Variants in PIK3C2G observed in about 807,000 individuals in gnomAD.
PIK3C2G encodes the protein phosphatidylinositol 3-kinase C2 domain-containing subunit gamma.
A neutral mutation model predicts 181.1 loss-of-function variants in PIK3C2G; 168 were observed. That is an observed-to-expected ratio of 0.93 (90% CI 0.82 to 1.05). PIK3C2G has a LOEUF of 1.05. Among genes scored for constraint, PIK3C2G ranks in the 50% least tolerant of loss-of-function variants. The pLI, the probability that PIK3C2G is intolerant of heterozygous loss-of-function variation, is 0.00. For synonymous variants in PIK3C2G, 573 were observed against 592.2 expected (o/e 0.97, Z 0.47); for missense variants, 1,869 against 1,732.8 (o/e 1.08, Z -1.40).
chr12:18,699,967 G>GT, the PIK3C2G span: 1 of 1,600,184 alleles, frequency 6.2e-7, no homozygotes. Flanking sequence ...ATAAAATGCA[G>GT]TAATTTTACA....
chr12:18,542,747 T>C (rs202234289), intron 25 of PIK3C2G, among the ~76,000 whole-genome samples: 5 of 152,010 alleles, frequency 3.3e-5, no homozygotes, highest in Non-Finnish European at 7.4e-5. Context: ...TCTCATTTTT[T>C]TGTAAGGCTT....
At chr12:18,627,021 T>G (rs965419423) in intron 31 of PIK3C2G, among the ~76,000 whole-genome samples, 1 of 151,928 alleles carries the variant, frequency 6.6e-6, no homozygotes, top group Non-Finnish European at 1.5e-5. Context: ...ATGGCTTGGG[T>G]CTCTTGATGG....
At chr12:18,255,306 T>C (rs2030573353) in intron 1 of PIK3C2G, among the ~76,000 whole-genome samples, 1 of 152,082 alleles carries the variant, frequency 6.6e-6, no homozygotes, top group Non-Finnish European at 1.5e-5. Context: ...TTTGAGTCTA[T>C]TCTGATTCTA....
At chr12:18,339,511 T>C (rs1268529200) in intron 9 of PIK3C2G, among the ~76,000 whole-genome samples, 7 of 152,080 alleles carry the variant, frequency 4.6e-5, no homozygotes, top group Non-Finnish European at 1.0e-4. Context: ...TGTGAAACTT[T>C]CTAAGATAGA....
chr12:18,636,842 C>G (rs545315990), intron 31 of PIK3C2G, among the ~76,000 whole-genome samples: 1 of 152,238 alleles, frequency 6.6e-6, no homozygotes, highest in East Asian at 1.9e-4. Flanking sequence ...TTATTATTTT[C>G]CTAGATAGAG....
rs549749100 is a variant in PIK3C2G, at chr12:18,425,171, T to C, written c.2504+1132T>C. On this transcript the variant is annotated intron_variant, in intron 18 of 32. Coordinates refer to ENST00000538779, the MANE Select transcript of PIK3C2G (RefSeq NM_001288772.2). ...GCAAGCCTTCTGCTGATGGAAGCAT[T>C]GGGATGATTCTAGTCTGCTAAATAG... 3.0e-4 allele frequency: 53 copies of C among 178,258 alleles called. 1 individual carries two copies. The highest frequency in any genetic ancestry group is 9.9e-5 in the Non-Finnish European group (8 of 81,036). 11.0% of individuals were successfully genotyped at this position (178,258 alleles called of 1,614,324 possible). A position where few individuals can be genotyped will look rare whatever the true frequency, so the allele number is the denominator to read the frequency against.
intron 11 of PIK3C2G, among the ~76,000 whole-genome samples, chr12:18,357,502 A>G (rs1442678557): frequency 1.3e-5 from 2 of 152,216 alleles, no homozygotes; most frequent in South Asian, 2.1e-4. Context: ...TAAAATTGCA[A>G]AGTGAATAAG....
intron 13 of PIK3C2G, among the ~76,000 whole-genome samples, chr12:18,380,894 G>A (rs1942789893): frequency 6.6e-6 from 1 of 152,144 alleles, no homozygotes; most frequent in Non-Finnish European, 1.5e-5. Context: ...ATTGCTTTTA[G>A]AAAAGCTCAC....
intron 30 of PIK3C2G, among the ~76,000 whole-genome samples, chr12:18,600,756 A>G (rs1472737478): frequency 6.6e-6 from 1 of 152,062 alleles, no homozygotes; most frequent in Non-Finnish European, 1.5e-5. Context: ...AGAGAAGATG[A>G]TTCTAACAAG....
At chr12:18,636,940 T>G (rs1223536071) in intron 31 of PIK3C2G, among the ~76,000 whole-genome samples, 14 of 152,216 alleles carry the variant, frequency 9.2e-5, no homozygotes, top group Admixed American at 7.9e-4. Context: ...CTCTGTGAGC[T>G]GCTATGTCTA....
At chr12:18,464,083 G>A (rs1160372346) in intron 18 of PIK3C2G, among the ~76,000 whole-genome samples, 1 of 152,046 alleles carries the variant, frequency 6.6e-6, no homozygotes, top group African/African-American at 2.4e-5. Flanking sequence ...GTGGATTTGT[G>A]GAGTGAAAAA....
chr12:18,400,429 T>C (rs1467214112), intron 16 of PIK3C2G, among the ~76,000 whole-genome samples: 1 of 152,194 alleles, frequency 6.6e-6, no homozygotes, highest in East Asian at 1.9e-4. Flanking sequence ...AAGTCTTCCT[T>C]GGTTTTCCTT....
chr12:18,548,467 A>G (rs1263979864), intron 26 of PIK3C2G, among the ~76,000 whole-genome samples: 1 of 152,014 alleles, frequency 6.6e-6, no homozygotes, highest in Non-Finnish European at 1.5e-5. Flanking sequence ...CCAGAATTCC[A>G]TCTCTCCCTA....
chr12:18,639,716 C>A (rs1452255787), intron 31 of PIK3C2G, among the ~76,000 whole-genome samples: 1 of 151,910 alleles, frequency 6.6e-6, no homozygotes. Flanking sequence ...GTTCTGAAGC[C>A]AGGAAGGGGA....
intron 8 of PIK3C2G, among the ~76,000 whole-genome samples, chr12:18,331,677 T>C (rs1937987286): frequency 1.3e-5 from 2 of 152,100 alleles, no homozygotes; most frequent in South Asian, 4.1e-4. Context: ...ATTTAACACT[T>C]ACTGAGTCTC....
the PIK3C2G span, among the ~76,000 whole-genome samples, chr12:18,704,485 C>T: frequency 3.8e-4 from 58 of 152,150 alleles, no homozygotes; most frequent in East Asian, 3.9e-4. Flanking sequence ...GCCACGACAC[C>T]CAGCTAATTT....
intron 18 of PIK3C2G, among the ~76,000 whole-genome samples, chr12:18,443,107 G>A (rs751760977): frequency 3.3e-5 from 5 of 152,070 alleles, no homozygotes; most frequent in Non-Finnish European, 7.4e-5. Context: ...CTGACCTCAG[G>A]TGATCCACCT....
At chr12:18,573,222 A>T (rs543098237) in intron 29 of PIK3C2G, among the ~76,000 whole-genome samples, 4 of 152,208 alleles carry the variant, frequency 2.6e-5, no homozygotes, top group Non-Finnish European at 4.4e-5. Flanking sequence ...AGAATTAAAT[A>T]TAGGGACATT....
chr12:18,473,036 C>T (rs891279099), intron 18 of PIK3C2G, among the ~76,000 whole-genome samples: 8 of 151,996 alleles, frequency 5.3e-5, no homozygotes, highest in African/African-American at 1.9e-4. Flanking sequence ...TTCTCCAAAT[C>T]ACAAGGTTCA....
Sources: allele counts gnomAD v4.1 joint callset (sites outside exome capture counted in the v4.1 genomes callset), GRCh38; gene constraint gnomAD v4.1.1; transcripts MANE v1.5; gene names NCBI Gene and HGNC (gene_info 2026-07-23, HGNC 2026-07-21).